RAD51B: variants seen among roughly 807,000 people sequenced by gnomAD.
RAD51B encodes RAD51 paralog B.
A neutral mutation model predicts 42.2 loss-of-function variants in RAD51B; 38 were observed. That is an observed-to-expected ratio of 0.90 (90% CI 0.70 to 1.18). The LOEUF is 1.18. RAD51B is among the 50% of genes most tolerant of loss of function. The probability of loss-of-function intolerance (pLI) is 0.00; values close to 1 mark genes in which losing one functional copy is unlikely to be tolerated. For synonymous variants in RAD51B, 154 were observed against 145.2 expected (o/e 1.06, Z -0.43); for missense variants, 373 against 400.7 (o/e 0.93, Z 0.59).
At chr14:68,434,918 G>A (rs143174871) in intron 9 of RAD51B, among the ~76,000 whole-genome samples, 2 of 152,248 alleles carry the variant, frequency 1.3e-5, no homozygotes, top group East Asian at 3.9e-4. Flanking sequence ...CCATTTATTT[G>A]TTGATACACC....
chr14:68,411,198 G>T (rs2084410099), intron 8 of RAD51B, among the ~76,000 whole-genome samples: 3 of 152,044 alleles, frequency 2.0e-5, no homozygotes, highest in African/African-American at 7.3e-5. Context: ...TTATTATTTG[G>T]CCCAGTGGTG....
chr14:68,191,421 A>G (rs923055479), intron 7 of RAD51B, among the ~76,000 whole-genome samples: 1 of 152,210 alleles, frequency 6.6e-6, no homozygotes, highest in Non-Finnish European at 1.5e-5. Flanking sequence ...GAAAGTGTCT[A>G]AGAACTAAGT....
At chr14:67,980,083 A>T (rs2075063085) in intron 7 of RAD51B, among the ~76,000 whole-genome samples, 1 of 152,208 alleles carries the variant, frequency 6.6e-6, no homozygotes, top group East Asian at 1.9e-4. Flanking sequence ...TCATGCAGTT[A>T]TAAATAAAAA....
At chr14:67,928,994 T>G (rs906658992) in intron 7 of RAD51B, among the ~76,000 whole-genome samples, 6 of 151,934 alleles carry the variant, frequency 3.9e-5, no homozygotes, top group African/African-American at 1.2e-4. Context: ...GGGACGTCTC[T>G]TCTTTTTTCG....
chr14:67,922,982 C>A (rs994997415), intron 7 of RAD51B, among the ~76,000 whole-genome samples: 31 of 152,160 alleles, frequency 2.0e-4, no homozygotes, highest in African/African-American at 7.5e-4. Context: ...TGGGCCACTG[C>A]GCCCAGCCGT....
chr14:68,148,481 G>C (rs2078303304), intron 7 of RAD51B, among the ~76,000 whole-genome samples: 1 of 152,178 alleles, frequency 6.6e-6, no homozygotes, highest in African/African-American at 2.4e-5. Flanking sequence ...CCAGCATTTG[G>C]CGATGTCATT....
At chr14:68,276,088 C>T (rs2081218563) in intron 7 of RAD51B, among the ~76,000 whole-genome samples, 1 of 152,134 alleles carries the variant, frequency 6.6e-6, no homozygotes, top group African/African-American at 2.4e-5. Flanking sequence ...AGATGAATCC[C>T]TGGTATAAAT....
chr14:68,588,081 GA>G (rs1392012608), intron 10 of RAD51B, among the ~76,000 whole-genome samples: 1 of 152,198 alleles, frequency 6.6e-6, no homozygotes, highest in Non-Finnish European at 1.5e-5. Flanking sequence ...ATTCAAGCTT[GA>G]GGCAGAGTGG....
chr14:68,264,994 C>G (rs77838892), intron 7 of RAD51B, among the ~76,000 whole-genome samples: 3,936 of 152,200 alleles, frequency 0.026, 183 homozygotes, highest in African/African-American at 0.089. Flanking sequence ...GTGGTATAAT[C>G]TAGGTCAAGT....
chr14:68,209,040 G>A (rs1015529236), intron 7 of RAD51B, among the ~76,000 whole-genome samples: 5 of 152,210 alleles, frequency 3.3e-5, no homozygotes, highest in African/African-American at 1.2e-4. Flanking sequence ...TTTCTAGGGT[G>A]TAGCACTTTG....
At chr14:68,351,068 G>A (rs1000098803) in intron 8 of RAD51B, among the ~76,000 whole-genome samples, 3 of 152,184 alleles carry the variant, frequency 2.0e-5, no homozygotes, top group South Asian at 4.1e-4. Flanking sequence ...TACGCCCTGA[G>A]GTTGGGGACA....
At chr14:68,591,823 C>T (rs1466687641) in intron 10 of RAD51B, among the ~76,000 whole-genome samples, 2 of 152,082 alleles carry the variant, frequency 1.3e-5, no homozygotes, top group Non-Finnish European at 2.9e-5. Flanking sequence ...AGTCCTGAGC[C>T]CCTGGGATGT....
chr14:68,205,015 A>T (rs1383975268), intron 7 of RAD51B, among the ~76,000 whole-genome samples: 2 of 152,210 alleles, frequency 1.3e-5, no homozygotes, highest in African/African-American at 4.8e-5. Context: ...ACAATAAAAA[A>T]ATCAGACAGG....
intron 10 of RAD51B, among the ~76,000 whole-genome samples, chr14:68,573,506 A>G (rs762843786): frequency 1.4e-4 from 21 of 152,272 alleles, no homozygotes; most frequent in African/African-American, 5.1e-4. Context: ...ACCTTTGCCG[A>G]CATCCCTACC....
At chr14:68,287,813 G>T (rs1478139442) in intron 7 of RAD51B, among the ~76,000 whole-genome samples, 1 of 152,130 alleles carries the variant, frequency 6.6e-6, no homozygotes, top group Non-Finnish European at 1.5e-5. Flanking sequence ...ACAGTGGTGG[G>T]GTAACATTTT....
intron 7 of RAD51B, among the ~76,000 whole-genome samples, chr14:68,137,754 A>G (rs1033720218): frequency 2.0e-5 from 3 of 152,230 alleles, no homozygotes; most frequent in Non-Finnish European, 4.4e-5. Flanking sequence ...AGAGCAGTCT[A>G]TTTCAAAACT....
intron 11 of RAD51B, among the ~76,000 whole-genome samples, chr14:68,656,655 G>T (rs962496414): frequency 6.6e-6 from 1 of 152,188 alleles, no homozygotes; most frequent in Non-Finnish European, 1.5e-5. Context: ...AAAGGCGACC[G>T]CAGGCCGGCA....
chr14:68,161,438 A>G (rs1473022714), intron 7 of RAD51B, among the ~76,000 whole-genome samples: 3 of 152,204 alleles, frequency 2.0e-5, no homozygotes, highest in East Asian at 1.9e-4. Context: ...CATAGGTCAC[A>G]TGCACATCCC....
intron 4 of RAD51B, among the ~76,000 whole-genome samples, chr14:67,836,532 C>A (rs1398225142): frequency 6.7e-6 from 1 of 149,882 alleles, no homozygotes; most frequent in East Asian, 2.0e-4. Flanking sequence ...GTTGCCCAGG[C>A]TGAAGTGCAG....
Sources: allele counts gnomAD v4.1 joint callset (sites outside exome capture counted in the v4.1 genomes callset), GRCh38; gene constraint gnomAD v4.1.1; transcripts MANE v1.5; gene names NCBI Gene and HGNC (gene_info 2026-07-23, HGNC 2026-07-21).